CYB5R4: variants seen among roughly 807,000 people sequenced by gnomAD.
CYB5R4 encodes the protein N-terminal cytochrome b5 and cytochrome b5 oxidoreductase domain-containing protein.
Under a neutral mutation model 70.2 loss-of-function variants are expected in CYB5R4, and 55 were observed. The ratio of observed to expected loss-of-function variants is 0.78; its 90% CI spans 0.63 to 0.98. The LOEUF is 0.98. Ranked by LOEUF, CYB5R4 falls within the 50% of genes least tolerant of loss-of-function variation. CYB5R4 has a pLI of 0.00. For synonymous variants in CYB5R4, 197 were observed against 199.5 expected (o/e 0.99, Z 0.11); for missense variants, 562 against 612.6 (o/e 0.92, Z 0.87).
At chr6:83,941,784 G>C (rs1295160117) in intron 14 of CYB5R4, among the ~76,000 whole-genome samples, 1 of 152,156 alleles carries the variant, frequency 6.6e-6, no homozygotes, top group Non-Finnish European at 1.5e-5. Context: ...TGGCATTTTA[G>C]AGAATTATTT....
At chr6:83,908,768 A>C (rs1295322852) in intron 3 of CYB5R4, among the ~76,000 whole-genome samples, 6 of 152,316 alleles carry the variant, frequency 3.9e-5, no homozygotes, top group Non-Finnish European at 7.4e-5. Context: ...TTGAGACCTC[A>C]TGGAGACCTG....
At position 83,875,057 on chromosome 6, in the gene CYB5R4, G is replaced by C. The variant is rs535435481; in HGVS notation, c.229+10729G>C. ...AGGCTGGTCTCAAACTCTTGATCTTGTGATCTGCCTGCCTCAGCCTCCCAA... is the reference window on the plus strand; with the variant it reads ...AGGCTGGTCTCAAACTCTTGATCTTCTGATCTGCCTGCCTCAGCCTCCCAA... On this transcript the variant is annotated intron_variant, in intron 2 of 15. Coordinates refer to ENST00000369681, the MANE Select transcript of CYB5R4 (RefSeq NM_016230.4). Among the ~76,000 whole-genome samples the C allele has an allele frequency of 1.6e-4, 24 of 152,072 alleles. No individual in the cohort carries two copies. The East Asian group carries it at 4.3e-3, about 27-fold the overall frequency.
At position 83,878,342 on chromosome 6, in the gene CYB5R4, G is replaced by T. The variant is rs142196369; in HGVS notation, c.229+14014G>T. ...AGTTGTTGTATCTTTTAAAAAAGAT[G>T]TGTTTTGTAAATTTTTTTTTTTTGA... On this transcript the variant is annotated intron_variant, in intron 2 of 15. Coordinates refer to ENST00000369681, the MANE Select transcript of CYB5R4 (RefSeq NM_016230.4). Among the ~76,000 whole-genome samples, 474 of 147,952 alleles carry T rather than the reference G, an allele frequency of 3.2e-3. 3 individuals are homozygous for T. Among genetic ancestry groups the T allele is most frequent in the African/African-American group, 0.012 (457 of 37,888 alleles).
At chr6:83,870,255 G>A in intron 2 of CYB5R4, among the ~76,000 whole-genome samples, 1 of 152,070 alleles carries the variant, frequency 6.6e-6, no homozygotes, top group East Asian at 1.9e-4. Context: ...TTTTTCCAAG[G>A]AGCAATGGGT....
intron 4 of CYB5R4, among the ~76,000 whole-genome samples, chr6:83,909,650 C>G (rs896560275): frequency 5.9e-5 from 9 of 152,100 alleles, no homozygotes; most frequent in African/African-American, 1.7e-4. Context: ...TTGAAAAAGC[C>G]CACTTGAAGA....
Position 83,943,515 on chromosome 6 carries a change from T to C in CYB5R4, c.1346+2914T>C, listed in dbSNP as rs2099470088. Among the ~76,000 whole-genome samples, 3 of 151,740 alleles carry C rather than the reference T, an allele frequency of 2.0e-5. No individual in the cohort carries two copies. The South Asian group carries it at 6.2e-4, about 32-fold the overall frequency. ...AAATCCACGAAGTTGAGGAAAAACC[T>C]ATGCAAAAAGGCTGAAAATGCCAAC... is the stretch of plus-strand genomic sequence containing the variant. On this transcript the variant is annotated intron_variant, in intron 14 of 15. Coordinates refer to ENST00000369681, the MANE Select transcript of CYB5R4 (RefSeq NM_016230.4).
chr6:83,906,715 A>C (rs1165858354), intron 3 of CYB5R4, among the ~76,000 whole-genome samples: 3 of 152,214 alleles, frequency 2.0e-5, no homozygotes, highest in Non-Finnish European at 4.4e-5. Context: ...GTAATTATCC[A>C]TTCACTATCT....
intron 3 of CYB5R4, among the ~76,000 whole-genome samples, chr6:83,902,147 T>C (rs1337042256): frequency 6.6e-6 from 1 of 152,186 alleles, no homozygotes; most frequent in Non-Finnish European, 1.5e-5. Context: ...GATTTTATAG[T>C]TTCGGGTCTA....
At chr6:83,889,806 G>A in intron 2 of CYB5R4, among the ~76,000 whole-genome samples, 1 of 152,156 alleles carries the variant, frequency 6.6e-6, no homozygotes. Flanking sequence ...ACTCATGACA[G>A]AAGGCAAAGC....
At chr6:83,958,792 C>A (rs2099472853) in intron 15 of CYB5R4, among the ~76,000 whole-genome samples, 1 of 152,134 alleles carries the variant, frequency 6.6e-6, no homozygotes, top group Non-Finnish European at 1.5e-5. Flanking sequence ...TGTCCTAGGG[C>A]AGTTCTTAAC....
chr6:83,944,290 TAAAG>T (rs1240655489), intron 14 of CYB5R4, among the ~76,000 whole-genome samples: 2 of 152,164 alleles, frequency 1.3e-5, no homozygotes, highest in African/African-American at 2.4e-5. Flanking sequence ...TCTACATTCT[TAAAG>T]AAAAGAGTTT....
intron 10 of CYB5R4, among the ~76,000 whole-genome samples, chr6:83,933,521 T>TA (rs1359612698): frequency 2.0e-5 from 3 of 151,980 alleles, no homozygotes; most frequent in African/African-American, 2.4e-5. Flanking sequence ...ATTTTTAGCT[T>TA]AAAAAAAAGA....
At chr6:83,885,568 G>T (rs1179783209) in intron 2 of CYB5R4, among the ~76,000 whole-genome samples, 2 of 152,222 alleles carry the variant, frequency 1.3e-5, no homozygotes, top group Non-Finnish European at 2.9e-5. Context: ...CTGGAAGATA[G>T]ATTAGTAGGT....
At chr6:83,942,855 G>A (rs1290485708) in intron 14 of CYB5R4, among the ~76,000 whole-genome samples, 6 of 152,218 alleles carry the variant, frequency 3.9e-5, no homozygotes, top group South Asian at 2.1e-4. Context: ...TGGGAAGTTC[G>A]GACTAAGCAG....
chr6:83,910,871 T>C (rs1289495441), intron 4 of CYB5R4, among the ~76,000 whole-genome samples: 1 of 152,228 alleles, frequency 6.6e-6, no homozygotes. Context: ...AAATTAATAC[T>C]CTGGTATTTT....
At chr6:83,934,559 T>G (rs1562842997) in intron 10 of CYB5R4, 36 bp from the exon 11 acceptor site, 1 of 1,490,374 alleles carries the variant, frequency 6.7e-7, no homozygotes, top group South Asian at 1.2e-5. Context: ...TCTTATTACT[T>G]TATGTATCAA....
chr6:83,924,392 A>G, intron 9 of CYB5R4, 78 bp from the exon 10 acceptor site: 2 of 1,452,170 alleles, frequency 1.4e-6, no homozygotes, highest in Non-Finnish European at 1.9e-6. Context: ...CACTTGTACT[A>G]TTTGAGAAAT....
At chr6:83,946,272 C>G (rs74817691) in intron 14 of CYB5R4, among the ~76,000 whole-genome samples, 4 of 152,174 alleles carry the variant, frequency 2.6e-5, no homozygotes, top group African/African-American at 9.7e-5. Context: ...ATTCAACATA[C>G]ACAAATCAAT....
At chr6:83,925,732 A>G (rs887216993) in intron 10 of CYB5R4, among the ~76,000 whole-genome samples, 2 of 152,052 alleles carry the variant, frequency 1.3e-5, no homozygotes, top group Non-Finnish European at 2.9e-5. Context: ...AGTTCTTGGA[A>G]ACTATTATTG....
Sources: allele counts gnomAD v4.1 joint callset (sites outside exome capture counted in the v4.1 genomes callset), GRCh38; gene constraint gnomAD v4.1.1; transcripts MANE v1.5; gene names NCBI Gene and HGNC (gene_info 2026-07-23, HGNC 2026-07-21).